Variants in BRINP3 observed in about 807,000 individuals in gnomAD.
The protein encoded by BRINP3 is BMP/retinoic acid-inducible neural-specific protein 3.
A neutral mutation model predicts 71.0 loss-of-function variants in BRINP3; 19 were observed. The ratio of observed to expected loss-of-function variants is 0.27; its 90% CI spans 0.19 to 0.39. The LOEUF (loss-of-function observed/expected upper bound fraction) is 0.39, where lower values mean the gene tolerates loss of function less well. BRINP3 is among the 10% of genes least tolerant of loss of function. BRINP3 has a pLI of 1.00. For synonymous variants in BRINP3, 380 were observed against 337.7 expected (o/e 1.13, Z -1.37); for missense variants, 959 against 940.8 (o/e 1.02, Z -0.25).
chr1:190,127,006 G>T (rs1266021979), intron 7 of BRINP3, among the ~76,000 whole-genome samples: 1 of 151,698 alleles, frequency 6.6e-6, no homozygotes, highest in Non-Finnish European at 1.5e-5. Flanking sequence ...TATTTAATTT[G>T]ATCACAAACA....
chr1:190,260,774 C>G (rs980428608), intron 4 of BRINP3, among the ~76,000 whole-genome samples: 7 of 152,014 alleles, frequency 4.6e-5, no homozygotes, highest in African/African-American at 1.7e-4. Context: ...ACCTGCAACA[C>G]TCTTAAGTTA....
chr1:190,314,741 A>G (rs1665765938), intron 2 of BRINP3, among the ~76,000 whole-genome samples: 1 of 152,160 alleles, frequency 6.6e-6, no homozygotes, highest in Non-Finnish European at 1.5e-5. Flanking sequence ...TTAAGCCACT[A>G]AGCTTGTGGT....
intron 2 of BRINP3, among the ~76,000 whole-genome samples, chr1:190,310,171 G>T (rs2103022563): frequency 6.6e-6 from 1 of 150,718 alleles, no homozygotes. Flanking sequence ...TAACACCAAG[G>T]AAAGAACCCA....
At position 190,133,981 on chromosome 1, in the gene BRINP3, A is replaced by C. The variant is rs1654760935; in HGVS notation, c.1184+26687T>G. Among the ~76,000 whole-genome samples the C allele has an allele frequency of 2.0e-5, 3 of 152,112 alleles. No homozygotes were observed. The South Asian group carries it at 6.2e-4, about 32-fold the overall frequency. ...AGCAAAACAAACAAAAAACCCCAAAACCACTTACTACATTTCTTGTGTTGG... is the reference window on the plus strand; with the variant it reads ...AGCAAAACAAACAAAAAACCCCAAACCCACTTACTACATTTCTTGTGTTGG... On this transcript the variant is annotated intron_variant, in intron 7 of 7. Transcript: ENST00000367462.
intron 1 of BRINP3, among the ~76,000 whole-genome samples, chr1:190,461,029 T>G (rs1054510772): frequency 6.6e-6 from 1 of 152,230 alleles, no homozygotes; most frequent in Admixed American, 6.5e-5. Flanking sequence ...ATCCAATCTG[T>G]TCTTTTTACT....
intron 2 of BRINP3, among the ~76,000 whole-genome samples, chr1:190,389,311 G>C (rs1422279169): frequency 1.3e-5 from 2 of 151,494 alleles, no homozygotes; most frequent in Non-Finnish European, 2.9e-5. Context: ...CTTCCTCTTA[G>C]TAGAATCCTA....
At chr1:190,225,788 G>T (rs1283668615) in intron 6 of BRINP3, among the ~76,000 whole-genome samples, 1 of 151,788 alleles carries the variant, frequency 6.6e-6, no homozygotes, top group African/African-American at 2.4e-5. Flanking sequence ...AAACCTCAGA[G>T]GTATCAGATG....
chr1:190,301,164 TAC>T (rs377279315), intron 2 of BRINP3, among the ~76,000 whole-genome samples: 3 of 67,152 alleles, frequency 4.5e-5, no homozygotes, highest in African/African-American at 1.4e-4. Flanking sequence ...CATATATATA[TAC>T]ATATATATAC....
chr1:190,293,464 A>G (rs1664019748), intron 2 of BRINP3, among the ~76,000 whole-genome samples: 1 of 152,080 alleles, frequency 6.6e-6, no homozygotes, highest in Non-Finnish European at 1.5e-5. Flanking sequence ...AAGATATTCC[A>G]TGTGTTGATG....
intron 4 of BRINP3, among the ~76,000 whole-genome samples, chr1:190,239,808 T>A (rs557329947): frequency 6.6e-6 from 1 of 152,170 alleles, no homozygotes; most frequent in South Asian, 2.1e-4. Flanking sequence ...AATGCAAATT[T>A]GGATTTTCAT....
intron 4 of BRINP3, among the ~76,000 whole-genome samples, chr1:190,261,434 G>GATTA (rs3076711): frequency 0.57 from 85,855 of 151,310 alleles, 24,561 homozygotes; most frequent in Admixed American, 0.68. Flanking sequence ...TTTATTTACA[G>GATTA]ATTAACAAAG....
intron 2 of BRINP3, among the ~76,000 whole-genome samples, chr1:190,425,891 A>G (rs1227898497): frequency 6.6e-6 from 1 of 151,852 alleles, no homozygotes; most frequent in Non-Finnish European, 1.5e-5. Flanking sequence ...TCCTTTCAAC[A>G]GGAAGCCAAT....
intron 2 of BRINP3, among the ~76,000 whole-genome samples, chr1:190,440,721 C>T (rs958536211): frequency 1.3e-5 from 2 of 151,954 alleles, no homozygotes; most frequent in African/African-American, 2.4e-5. Flanking sequence ...GTGTTGTCTT[C>T]GCCTCTCCAG....
chr1:190,259,726 T>A (rs1425782211), intron 4 of BRINP3, among the ~76,000 whole-genome samples: 1 of 151,780 alleles, frequency 6.6e-6, no homozygotes, highest in African/African-American at 2.4e-5. Context: ...GATAACATTA[T>A]CTAATAGAAA....
chr1:190,369,976 A>G (rs1669755010), intron 2 of BRINP3, among the ~76,000 whole-genome samples: 1 of 152,184 alleles, frequency 6.6e-6, no homozygotes, highest in Admixed American at 6.5e-5. Context: ...GGAGTTGGTC[A>G]CTGAAGACTC....
chr1:190,339,202 T>C (rs549157606), intron 2 of BRINP3, among the ~76,000 whole-genome samples: 3 of 151,996 alleles, frequency 2.0e-5, no homozygotes, highest in Non-Finnish European at 4.4e-5. Flanking sequence ...ACTTTATCAC[T>C]GTTGCTCTTA....
chr1:190,124,178 G>C (rs561106626), intron 7 of BRINP3, among the ~76,000 whole-genome samples: 1 of 152,128 alleles, frequency 6.6e-6, no homozygotes, highest in African/African-American at 2.4e-5. Flanking sequence ...CACAGGAGTC[G>C]TCTGATCCTT....
intron 6 of BRINP3, among the ~76,000 whole-genome samples, chr1:190,185,798 A>G (rs966099875): frequency 1.3e-5 from 2 of 152,184 alleles, no homozygotes; most frequent in Non-Finnish European, 2.9e-5. Flanking sequence ...CAACGATAAA[A>G]TAATTATCTA....
intron 2 of BRINP3, among the ~76,000 whole-genome samples, chr1:190,402,033 T>C (rs1671961598): frequency 6.6e-6 from 1 of 152,002 alleles, no homozygotes; most frequent in South Asian, 2.1e-4. Context: ...TGTTTATTAG[T>C]GTAATATGCA....
Sources: allele counts gnomAD v4.1 joint callset (sites outside exome capture counted in the v4.1 genomes callset), GRCh38; gene constraint gnomAD v4.1.1; transcripts MANE v1.5; gene names NCBI Gene and HGNC (gene_info 2026-07-23, HGNC 2026-07-21).